The following FSTL1 variants were observed in gnomAD, a reference collection of about 807,000 sequenced individuals.
The protein encoded by FSTL1 is follistatin-related protein 1.
In FSTL1, 24 loss-of-function variants were observed where a neutral mutation model predicts 45.9. The ratio of observed to expected loss-of-function variants is 0.52; its 90% CI spans 0.38 to 0.74. The LOEUF (loss-of-function observed/expected upper bound fraction) is 0.74, where lower values mean the gene tolerates loss of function less well. Among genes scored for constraint, FSTL1 ranks in the 30% least tolerant of loss-of-function variants. FSTL1 has a pLI of 0.00. For synonymous variants in FSTL1, 120 were observed against 137.6 expected (o/e 0.87, Z 0.89); for missense variants, 340 against 381.8 (o/e 0.89, Z 0.91).
intron 2 of FSTL1, among the ~76,000 whole-genome samples, chr3:120,425,733 A>T (rs1404899327): frequency 6.6e-6 from 1 of 152,208 alleles, no homozygotes; most frequent in Non-Finnish European, 1.5e-5. Flanking sequence ...TTATGTATAC[A>T]GTCACATGAG....
At chr3:120,427,599 G>T (rs1343235520) in intron 2 of FSTL1, among the ~76,000 whole-genome samples, 1 of 152,110 alleles carries the variant, frequency 6.6e-6, no homozygotes, top group Non-Finnish European at 1.5e-5. Context: ...CCACCACCAG[G>T]CCATATATAT....
chr3:120,418,832 A>G (rs1937231412), intron 2 of FSTL1, among the ~76,000 whole-genome samples: 1 of 152,226 alleles, frequency 6.6e-6, no homozygotes, highest in Non-Finnish European at 1.5e-5. Flanking sequence ...TGCCTGCCAC[A>G]CAACTGAAAG....
chr3:120,409,142 C>A (rs2107653869), intron 6 of FSTL1, among the ~76,000 whole-genome samples: 1 of 152,172 alleles, frequency 6.6e-6, no homozygotes, highest in East Asian at 1.9e-4. Context: ...AGAGAAATGT[C>A]AAACTAGGCA....
chr3:120,398,039 A>G lies in FSTL1; in HGVS notation c.883-1043T>C, dbSNP rs577687818. ...TATGATACCACTGTAATATGTCCAG[A>G]ACAGGCAAATTTATAGTTAGAAAGT... is the stretch of plus-strand genomic sequence containing the variant. On this transcript the variant is annotated intron_variant, in intron 10 of 10. Coordinates refer to ENST00000295633, the MANE Select transcript of FSTL1 (RefSeq NM_007085.5). Among the ~76,000 whole-genome samples, 5 of 152,334 alleles carry G rather than the reference A, an allele frequency of 3.3e-5. No individual in the cohort carries two copies. In the South Asian group the frequency reaches 8.3e-4, roughly 25 times the overall value.
chr3:120,433,811 G>A (rs1450246297), intron 2 of FSTL1, among the ~76,000 whole-genome samples: 1 of 152,192 alleles, frequency 6.6e-6, no homozygotes, highest in Non-Finnish European at 1.5e-5. Flanking sequence ...CAAAGGTTCT[G>A]AAGCAGGGTG....
intron 2 of FSTL1, among the ~76,000 whole-genome samples, chr3:120,440,430 C>G (rs981360993): frequency 2.6e-5 from 4 of 152,226 alleles, no homozygotes; most frequent in Non-Finnish European, 5.9e-5. Context: ...GACACAGTGA[C>G]TATCAGTCAT....
intron 6 of FSTL1, among the ~76,000 whole-genome samples, chr3:120,406,869 A>G (rs1226176620): frequency 1.3e-5 from 2 of 152,258 alleles, no homozygotes; most frequent in Non-Finnish European, 2.9e-5. Flanking sequence ...TTCAGATTTC[A>G]GATTTTGGAA....
At chr3:120,438,689 C>A (rs191952970) in intron 2 of FSTL1, among the ~76,000 whole-genome samples, 1 of 152,292 alleles carries the variant, frequency 6.6e-6, no homozygotes, top group East Asian at 1.9e-4. Flanking sequence ...TTAGAGCCCA[C>A]CTACTCTAAC....
rs191369370 is a variant in FSTL1 at position 120,424,710 on chromosome 3, G to A, written c.64-8683C>T. ...GATCTCTACAGAATAACGAGGTCTG[G>A]CAACATCCTGAATAGAGAGAGGAAG... On this transcript the variant is annotated intron_variant, in intron 2 of 10. Transcript: ENST00000295633. Among the ~76,000 whole-genome samples the A allele has an allele frequency of 6.6e-5, 10 of 152,244 alleles. No homozygotes were observed. In the East Asian group the frequency reaches 1.5e-3, roughly 23 times the overall value.
chr3:120,397,463 G>A (rs1241325964), intron 10 of FSTL1, among the ~76,000 whole-genome samples: 2 of 152,124 alleles, frequency 1.3e-5, no homozygotes, highest in Non-Finnish European at 2.9e-5. Context: ...CAAAACCACA[G>A]TAATAAAGTA....
chr3:120,410,174 G>A (rs1937023704), intron 5 of FSTL1: 1 of 160,120 alleles, frequency 6.2e-6, no homozygotes, highest in Non-Finnish European at 1.4e-5. Flanking sequence ...AACAGAATGT[G>A]AAGGCCAGTG....
chr3:120,397,066 A>G, intron 10 of FSTL1, 70 bp from the exon 11 acceptor site: 1 of 1,189,944 alleles, frequency 8.4e-7, no homozygotes, highest in South Asian at 1.2e-5. Context: ...CTGTTCCTCA[A>G]GACTATATAG....
intron 7 of FSTL1, among the ~76,000 whole-genome samples, chr3:120,403,933 A>AAC (rs1553789473): frequency 1.6e-5 from 2 of 125,702 alleles, no homozygotes; most frequent in Admixed American, 8.0e-5. Context: ...AAAAAAAAAA[A>AAC]AAAAAAAAAA....
In FSTL1 at chr3:120,402,882, G is replaced by T; in HGVS notation, c.731C>A (p.Ala244Asp). Residue 244 changes from alanine to aspartate, a missense_variant, in exon 9 of 11, where the codon GCT becomes GAT. Coordinates refer to ENST00000295633, the MANE Select transcript of FSTL1 (RefSeq NM_007085.5). ...ALEDETYADG[A>D]ETEVDCNRCV... ...GCGGTTACAGTCCACCTCGGTCTCA[G>T]CTCCATCTGCATACGTTTCATCCTC... 6.2e-7 allele frequency: 1 copy of T among 1,613,258 alleles called. No homozygotes were observed. The highest frequency in any genetic ancestry group is 1.3e-5 in the African/African-American group (1 of 74,980).
At chr3:120,440,299 T>C (rs1299662618) in intron 2 of FSTL1, among the ~76,000 whole-genome samples, 1 of 152,244 alleles carries the variant, frequency 6.6e-6, no homozygotes, top group Admixed American at 6.5e-5. Context: ...GTCTGAAGTG[T>C]CATTCCAGGC....
chr3:120,397,080 T>G, intron 10 of FSTL1, 84 bp from the exon 11 acceptor site: 1 of 1,079,468 alleles, frequency 9.3e-7, no homozygotes, highest in Non-Finnish European at 1.4e-6. Flanking sequence ...TATATAGCAT[T>G]GGCATTTACA....
At chr3:120,403,487 CT>C in intron 7 of FSTL1, 133 bp from the exon 8 acceptor site, 1 of 608,398 alleles carries the variant, frequency 1.6e-6, no homozygotes, top group Non-Finnish European at 3.0e-6. Context: ...CTAAAACAGC[CT>C]CTCTCTACAC....
At chr3:120,445,660 G>A (rs953779204) in intron 2 of FSTL1, among the ~76,000 whole-genome samples, 1 of 149,294 alleles carries the variant, frequency 6.7e-6, no homozygotes, top group Admixed American at 6.6e-5. Context: ...TACAAAGGAA[G>A]GCCCTACATT....
At chr3:120,430,368 C>T (rs749002752) in intron 2 of FSTL1, among the ~76,000 whole-genome samples, 4 of 152,190 alleles carry the variant, frequency 2.6e-5, no homozygotes, top group Non-Finnish European at 5.9e-5. Context: ...GCACCTATTA[C>T]TCAGACAGGT....
Sources: gnomAD v4.1 joint callset for allele counts (sites outside exome capture counted in the v4.1 genomes callset) on GRCh38, gnomAD v4.1.1 for gene constraint, MANE v1.5 for transcripts, NCBI Gene and HGNC (gene_info 2026-07-23, HGNC 2026-07-21) for gene names.